The following LAMA3 variants were observed in gnomAD, a reference collection of about 807,000 sequenced individuals.
LAMA3 encodes laminin subunit alpha-3.
LAMA3 carries 281 observed loss-of-function variants against 402.0 expected under a neutral mutation model. The ratio of observed to expected loss-of-function variants is 0.70; its 90% confidence interval spans 0.63 to 0.77. The LOEUF is 0.77. LAMA3 is among the 30% of genes least tolerant of loss of function. The pLI is 0.00. For synonymous variants in LAMA3, 1,431 were observed against 1,558.4 expected (o/e 0.92, Z 1.93); for missense variants, 3,840 against 4,215.5 (o/e 0.91, Z 2.47).
At chr18:23,831,045 AATCT>A (rs2063481485) in intron 23 of LAMA3, among the ~76,000 whole-genome samples, 1 of 152,074 alleles carries the variant, frequency 6.6e-6, no homozygotes, top group South Asian at 2.1e-4. Context: ...CACCCAAACT[AATCT>A]ATCTGTGAGT....
At chr18:23,878,106 AAAAAC>A (rs1207612873) in intron 39 of LAMA3, among the ~76,000 whole-genome samples, 1 of 152,234 alleles carries the variant, frequency 6.6e-6, no homozygotes, top group African/African-American at 2.4e-5. Flanking sequence ...ACTCTGTCTA[AAAAAC>A]AAAACAAAAC....
chr18:23,869,200 A>G (rs990797858), intron 37 of LAMA3, among the ~76,000 whole-genome samples: 1 of 152,270 alleles, frequency 6.6e-6, no homozygotes, highest in Non-Finnish European at 1.5e-5. Flanking sequence ...AAAGCCTTGC[A>G]GCCATCTGGA....
At chr18:23,749,886 C>A (rs533517475) in intron 4 of LAMA3, among the ~76,000 whole-genome samples, 1 of 152,238 alleles carries the variant, frequency 6.6e-6, no homozygotes, top group South Asian at 2.1e-4. Flanking sequence ...TCCCATGATA[C>A]CCCGTAAGAG....
intron 54 of LAMA3, among the ~76,000 whole-genome samples, 167 bp downstream of exon 54, chr18:23,908,102 T>C (rs892051736): frequency 6.6e-6 from 1 of 152,204 alleles, no homozygotes; most frequent in African/African-American, 2.4e-5. Context: ...ATCCTGCTAG[T>C]TGGAAGGACC....
intron 11 of LAMA3, among the ~76,000 whole-genome samples, chr18:23,780,369 G>A (rs919515661): frequency 2.6e-5 from 4 of 152,014 alleles, no homozygotes; most frequent in Non-Finnish European, 5.9e-5. Context: ...GGGGAGAAAG[G>A]AGAGAGACAG....
At chr18:23,872,237 T>G (rs1381775232) in intron 38 of LAMA3, among the ~76,000 whole-genome samples, 2 of 152,138 alleles carry the variant, frequency 1.3e-5, no homozygotes, top group Admixed American at 6.5e-5. Context: ...CCCAGTAGAG[T>G]TGAATTCCAG....
intron 32 of LAMA3, among the ~76,000 whole-genome samples, chr18:23,853,278 A>T (rs56371680): frequency 0.16 from 24,262 of 152,092 alleles, 4,322 homozygotes; most frequent in African/African-American, 0.43. Context: ...AGTGTTTATT[A>T]ATTTATTCAT....
chr18:23,800,588 T>C (rs1246975075), intron 12 of LAMA3, among the ~76,000 whole-genome samples: 1 of 152,204 alleles, frequency 6.6e-6, no homozygotes, highest in Non-Finnish European at 1.5e-5. Flanking sequence ...TAAATTATTG[T>C]TAACCACATT....
At chr18:23,761,439 A>G (rs2061966601) in intron 7 of LAMA3, among the ~76,000 whole-genome samples, 1 of 152,246 alleles carries the variant, frequency 6.6e-6, no homozygotes, top group Non-Finnish European at 1.5e-5. Context: ...GCAGTCAAAC[A>G]AAGACAGGTT....
intron 60 of LAMA3, among the ~76,000 whole-genome samples, chr18:23,919,226 A>G (rs2081746865): frequency 6.6e-6 from 1 of 152,202 alleles, no homozygotes; most frequent in Non-Finnish European, 1.5e-5. Context: ...TAGGATCCAG[A>G]TAAGGACTGA....
In LAMA3 at chr18:23,819,170, G is replaced by A. The variant is rs555019668; in HGVS notation, c.2148-671G>A. ...GCTATTAGCTTGTGACTGGATTGGC[G>A]AAGTGTCTTTTTTTTTTTTTGAGAA... On this transcript the variant is annotated intron_variant, in intron 18 of 74. Transcript: ENST00000313654. Among the ~76,000 whole-genome samples the A allele has an allele frequency of 5.9e-4, 65 of 110,060 alleles. No homozygotes were observed. The East Asian group carries it at 0.013, about 23-fold the overall frequency. The allele number at this position is 110,060 out of a possible 152,430, so 72.2% of individuals were successfully genotyped here.
intron 29 of LAMA3, among the ~76,000 whole-genome samples, chr18:23,843,719 C>T (rs761426406): frequency 3.9e-5 from 6 of 152,188 alleles, no homozygotes; most frequent in Non-Finnish European, 8.8e-5. Context: ...TCCCTAGGAT[C>T]CACGTGCCTC....
At chr18:23,854,039 G>A (rs1250394785) in intron 32 of LAMA3, among the ~76,000 whole-genome samples, 9 of 152,182 alleles carry the variant, frequency 5.9e-5, no homozygotes, top group Non-Finnish European at 8.8e-5. Flanking sequence ...CAGGCCCAGC[G>A]GGGCCACTCA....
At chr18:23,710,355 C>G (rs1456917176) in intron 1 of LAMA3, 1 of 399,664 alleles carries the variant, frequency 2.5e-6, no homozygotes, top group East Asian at 5.6e-5. Context: ...AAAAGCCCCA[C>G]GAGGTTATCT....
Position 23,824,512 on chromosome 18 carries a change from T to G in LAMA3, c.2518T>G (p.Ser840Ala). ...VPGNGFADPFSITPGIWVACI... is the reference protein window; with the variant it reads ...VPGNGFADPFAITPGIWVACI... ...TGGAAATGGTTTTGCAGACCCATTT[T>G]CAATCACACCAGGAATATGGGTTGC... Residue 840 changes from serine (S) to alanine (A), a missense_variant, in exon 21 of 75, where the codon TCA becomes GCA. By Grantham distance (99) the Ser-to-Ala change is moderately conservative. Coordinates refer to ENST00000313654, the MANE Select transcript of LAMA3 (RefSeq NM_198129.4). 2 of 1,614,138 alleles carry G rather than the reference T, an allele frequency of 1.2e-6. No homozygotes were observed. The highest frequency in any genetic ancestry group is 1.7e-6 in the Non-Finnish European group (2 of 1,179,976).
At position 23,861,775 on chromosome 18, in the gene LAMA3, T is replaced by G. The variant is rs752421882; in HGVS notation, c.4552T>G (p.Trp1518Gly). 42 of 1,613,530 alleles carry G rather than the reference T, an allele frequency of 2.6e-5. No individual in the cohort carries two copies. Among genetic ancestry groups the G allele is most frequent in the Non-Finnish European group, 3.5e-5 (41 of 1,179,778 alleles). Residue 1518 changes from tryptophan to glycine, a missense_variant, in exon 35 of 75, where the codon TGG (tryptophan) becomes GGG (glycine). Around this residue, in one of 3 missense-constraint regions of LAMA3, gnomAD observed 2,109 missense variants for 2,376.0 expected, o/e 0.89. Coordinates refer to ENST00000313654, the MANE Select transcript of LAMA3 (RefSeq NM_198129.4). ...ELPATIHSAS[W>G]VAPTSYLGDK... ...GCCCGCAACCATCCACAGCGCGTCCTGGGTCGCACCCACCTCCTACCTGGG... is the reference window on the plus strand; with the variant it reads ...GCCCGCAACCATCCACAGCGCGTCCGGGGTCGCACCCACCTCCTACCTGGG...
chr18:23,711,523 C>T (rs755828625), intron 1 of LAMA3, among the ~76,000 whole-genome samples: 2 of 152,152 alleles, frequency 1.3e-5, no homozygotes, highest in Non-Finnish European at 2.9e-5. Flanking sequence ...AAACAAATTA[C>T]AGGAAATAAC....
At chr18:23,858,431 T>C (rs2064136331) in intron 33 of LAMA3, among the ~76,000 whole-genome samples, 1 of 152,194 alleles carries the variant, frequency 6.6e-6, no homozygotes, top group South Asian at 2.1e-4. Context: ...GTGAACCGTA[T>C]GGTGCTATTT....
At chr18:23,828,212 G>A (rs45569032) in intron 23 of LAMA3, among the ~76,000 whole-genome samples, 5,278 of 152,242 alleles carry the variant, frequency 0.035, 131 homozygotes, top group Non-Finnish European at 0.051. Flanking sequence ...GATTAAATTT[G>A]TGGGATGAAA....
Sources: allele counts gnomAD v4.1 joint callset (sites outside exome capture counted in the v4.1 genomes callset), GRCh38; gene constraint gnomAD v4.1.1; regional missense constraint gnomAD v4.1.1; transcripts MANE v1.5; gene names NCBI Gene and HGNC (gene_info 2026-07-23, HGNC 2026-07-21).